ANTXR1: variants seen among roughly 807,000 people sequenced by gnomAD.
ANTXR1 encodes the protein ANTXR cell adhesion molecule 1, also known as anthrax toxin receptor 1.
ANTXR1 carries 19 observed loss-of-function variants against 78.1 expected under a neutral mutation model. The ratio of observed to expected loss-of-function variants is 0.24; its 90% CI spans 0.17 to 0.36. ANTXR1 has a LOEUF of 0.36. Ranked by LOEUF, ANTXR1 falls within the 10% of genes least tolerant of loss-of-function variation. The pLI is 1.00. For missense variants in ANTXR1, 518 were observed against 718.6 expected, an observed-to-expected ratio of 0.72 and a Z score of 3.19; for synonymous variants, 273 against 260.5, an observed-to-expected ratio of 1.05 and a Z score of -0.46.
chr2:69,216,398 T>C (rs772595183), intron 17 of ANTXR1, among the ~76,000 whole-genome samples: 3 of 152,174 alleles, frequency 2.0e-5, no homozygotes, highest in Non-Finnish European at 4.4e-5. Context: ...TATCTATTAA[T>C]ACATACATAC....
At position 69,115,297 on chromosome 2, in the gene ANTXR1, C is replaced by G. The variant is rs58425035; in HGVS notation, c.803-7720C>G. Among the ~76,000 whole-genome samples the G allele has an allele frequency of 6.4e-3, 979 of 152,306 alleles. 17 individuals carry two copies. Among genetic ancestry groups the G allele is most frequent in the East Asian group, 0.055 (284 of 5,184 alleles). The stretch of plus-strand genomic sequence containing the variant: ...CTTATCACACCAATATTGTAAAGCC[C>G]TGATACAACCTAACAGACAGGTTGC... On this transcript the variant is annotated intron_variant, in intron 10 of 17. Coordinates refer to ENST00000303714, the MANE Select transcript of ANTXR1 (RefSeq NM_032208.3).
chr2:69,200,835 A>G (rs1279223534), intron 17 of ANTXR1, among the ~76,000 whole-genome samples: 1 of 152,202 alleles, frequency 6.6e-6, no homozygotes, highest in East Asian at 1.9e-4. Flanking sequence ...GCATAAACCC[A>G]TTCACAGTAA....
intron 8 of ANTXR1, among the ~76,000 whole-genome samples, chr2:69,087,533 A>G (rs185702362): frequency 2.8e-4 from 43 of 152,352 alleles, no homozygotes; most frequent in Admixed American, 7.8e-4. Context: ...AAAGGAGCAT[A>G]GGTCAGGTAA....
chr2:69,164,187 G>C (rs150819445), intron 13 of ANTXR1, among the ~76,000 whole-genome samples: 35 of 152,298 alleles, frequency 2.3e-4, no homozygotes, highest in African/African-American at 8.2e-4. Context: ...GGGATGAAAG[G>C]GGGTATAGGT....
chr2:69,134,024 G>T (rs532896557), intron 12 of ANTXR1, among the ~76,000 whole-genome samples: 4 of 152,254 alleles, frequency 2.6e-5, no homozygotes, highest in African/African-American at 7.2e-5. Context: ...TGATGTTGTG[G>T]TCTCTATATG....
chr2:69,181,500 G>T (rs1466010513), intron 14 of ANTXR1, among the ~76,000 whole-genome samples: 1 of 152,212 alleles, frequency 6.6e-6, no homozygotes, highest in Non-Finnish European at 1.5e-5. Context: ...TGTAGGTGGG[G>T]TTAGATGCGA....
At chr2:69,231,413 G>A (rs553882836) in intron 17 of ANTXR1, among the ~76,000 whole-genome samples, 1 of 152,058 alleles carries the variant, frequency 6.6e-6, no homozygotes, top group Admixed American at 6.5e-5. Context: ...TTTAGGAAGG[G>A]TGCCAAGTTC....
intron 1 of ANTXR1, among the ~76,000 whole-genome samples, chr2:69,026,415 G>A (rs1050086450): frequency 6.6e-5 from 10 of 152,214 alleles, no homozygotes; most frequent in Non-Finnish European, 1.0e-4. Flanking sequence ...AACAGCGTTG[G>A]CCACACTGGA....
intron 3 of ANTXR1, among the ~76,000 whole-genome samples, chr2:69,049,697 A>T (rs1669874346): frequency 6.6e-6 from 1 of 152,196 alleles, no homozygotes; most frequent in Non-Finnish European, 1.5e-5. Flanking sequence ...AGGTGATTGT[A>T]GTATCTGTGA....
Position 69,125,173 on chromosome 2 carries a change from G to A in ANTXR1, c.951+530G>A, listed in dbSNP as rs181877871. On this transcript the variant is annotated intron_variant, in intron 12 of 17. Coordinates refer to ENST00000303714, the MANE Select transcript of ANTXR1 (RefSeq NM_032208.3). Reference sequence around the variant, plus strand: ...CAGGAGAAAATGGAAAACTGATGAAGCAGGAGAGAGAGTGGGGAAGGAGCC... The same window carrying A: ...CAGGAGAAAATGGAAAACTGATGAAACAGGAGAGAGAGTGGGGAAGGAGCC... Among the ~76,000 whole-genome samples, 454 of 152,260 alleles carry A rather than the reference G, an allele frequency of 3.0e-3. 4 individuals carry two copies. Among genetic ancestry groups the A allele is most frequent in the African/African-American group, 0.011 (444 of 41,540 alleles).
intron 8 of ANTXR1, among the ~76,000 whole-genome samples, chr2:69,080,294 C>T (rs1247395074): frequency 1.3e-5 from 2 of 151,696 alleles, no homozygotes; most frequent in African/African-American, 4.9e-5. Flanking sequence ...TTCATTTCCC[C>T]TTTTGGATAC....
chr2:69,104,468 G>A (rs921149587), intron 10 of ANTXR1, among the ~76,000 whole-genome samples: 14 of 152,236 alleles, frequency 9.2e-5, no homozygotes, highest in African/African-American at 2.4e-4. Context: ...CAAAAAGTAC[G>A]TGCTATTTGA....
At chr2:69,218,425 T>C (rs960497013) in intron 17 of ANTXR1, among the ~76,000 whole-genome samples, 3 of 152,242 alleles carry the variant, frequency 2.0e-5, no homozygotes, top group Admixed American at 1.3e-4. Context: ...GAGATTTCAT[T>C]GTGTTGTCGG....
chr2:69,224,322 C>T (rs1240316870), intron 17 of ANTXR1, among the ~76,000 whole-genome samples: 1 of 152,162 alleles, frequency 6.6e-6, no homozygotes, highest in Non-Finnish European at 1.5e-5. Flanking sequence ...GTTGAGATCA[C>T]TGTTGGTTTT....
At chr2:69,184,449 A>T (rs1280353011) in intron 16 of ANTXR1, among the ~76,000 whole-genome samples, 1 of 152,234 alleles carries the variant, frequency 6.6e-6, no homozygotes. Context: ...ATGCATGTGC[A>T]GACAGGAAGG....
chr2:69,134,645 C>A (rs1406629676), intron 12 of ANTXR1, among the ~76,000 whole-genome samples: 1 of 152,118 alleles, frequency 6.6e-6, no homozygotes, highest in Non-Finnish European at 1.5e-5. Flanking sequence ...TACTACCAGT[C>A]CTATACAGTA....
intron 12 of ANTXR1, among the ~76,000 whole-genome samples, chr2:69,126,651 G>T (rs1311329147): frequency 6.6e-6 from 1 of 151,802 alleles, no homozygotes; most frequent in Non-Finnish European, 1.5e-5. Flanking sequence ...GAGGAAGTGG[G>T]AAGGGAAGAC....
intron 10 of ANTXR1, among the ~76,000 whole-genome samples, chr2:69,117,212 G>A (rs1288513661): frequency 6.6e-6 from 1 of 152,230 alleles, no homozygotes; most frequent in South Asian, 2.1e-4. Context: ...AATATGAAGA[G>A]CCTCAGCTCC....
intron 4 of ANTXR1, among the ~76,000 whole-genome samples, chr2:69,071,414 A>G (rs1670561189): frequency 1.3e-5 from 2 of 152,260 alleles, no homozygotes; most frequent in African/African-American, 4.8e-5. Context: ...TTCTAAACAT[A>G]GAAATGGTAA....
Sources: allele counts gnomAD v4.1 joint callset (sites outside exome capture counted in the v4.1 genomes callset), GRCh38; gene constraint gnomAD v4.1.1; transcripts MANE v1.5; gene names NCBI Gene and HGNC (gene_info 2026-07-23, HGNC 2026-07-21).